TESK2: variants seen among roughly 807,000 people sequenced by gnomAD.
TESK2 encodes testis associated actin remodelling kinase 2, also known as dual specificity testis-specific protein kinase 2.
In TESK2, 39 loss-of-function variants were observed where a neutral mutation model predicts 57.1. The observed-to-expected ratio is 0.68, with a 90% CI of 0.53 to 0.89. The LOEUF is 0.89. Ranked by LOEUF, TESK2 falls within the 40% of genes least tolerant of loss-of-function variation. The pLI is 0.00. For missense variants in TESK2, 646 were observed against 732.1 expected (o/e 0.88, Z 1.36); for synonymous variants, 249 against 267.9 (o/e 0.93, Z 0.69).
chr1:45,402,032 T>A (rs1373898715), intron 3 of TESK2, among the ~76,000 whole-genome samples: 1 of 151,080 alleles, frequency 6.6e-6, no homozygotes, highest in East Asian at 1.9e-4. Flanking sequence ...GATACTTATG[T>A]TTTCTAAAAG....
At chr1:45,418,081 G>A (rs935026572) in intron 3 of TESK2, among the ~76,000 whole-genome samples, 1 of 152,208 alleles carries the variant, frequency 6.6e-6, no homozygotes, top group Admixed American at 6.5e-5. Context: ...TAGCAGGAAA[G>A]ATGCCAAAAT....
rs189457091 is a variant in TESK2, at chr1:45,347,016, C to T, written c.755G>A (p.Arg252His). Residue 252 changes from arginine to histidine, a missense_variant, in exon 8 of 11, where the codon CGC becomes CAC. Coordinates refer to ENST00000372086, the MANE Select transcript of TESK2 (RefSeq NM_007170.3). ...YGIILCEIIA[R>H]IQADPDYLPR... ...AAGATAGTCCGGATCGGCCTGGATG[C>T]GGGCGATGATCTCGCAGAGGATGAT... 1.5e-5 allele frequency: 25 copies of T among 1,614,180 alleles called. No homozygotes were observed. The highest frequency in any genetic ancestry group is 2.2e-5 in the East Asian group (1 of 44,892).
intron 3 of TESK2, among the ~76,000 whole-genome samples, chr1:45,395,545 C>T (rs182404166): frequency 1.3e-5 from 2 of 151,778 alleles, no homozygotes; most frequent in Non-Finnish European, 2.9e-5. Flanking sequence ...AGTTCAAATA[C>T]TTCCTTCTCA....
chr1:45,420,147 AAT>A (rs1227899098), intron 3 of TESK2, among the ~76,000 whole-genome samples: 2 of 152,100 alleles, frequency 1.3e-5, no homozygotes, highest in Non-Finnish European at 2.9e-5. Context: ...CTCATTTAAA[AAT>A]ATACTGGCCA....
intron 1 of TESK2, among the ~76,000 whole-genome samples, chr1:45,459,977 C>A (rs1292191096): frequency 1.3e-5 from 2 of 152,200 alleles, no homozygotes; most frequent in African/African-American, 2.4e-5. Flanking sequence ...AACCAAATAT[C>A]GCATGTTCTC....
At chr1:45,410,498 G>A (rs1361170656) in intron 3 of TESK2, among the ~76,000 whole-genome samples, 3 of 151,944 alleles carry the variant, frequency 2.0e-5, no homozygotes, top group Admixed American at 6.6e-5. Context: ...CCAGCTACTC[G>A]GGAGGCTGAG....
At chr1:45,427,234 CAAAAA>C (rs111269135) in intron 2 of TESK2, among the ~76,000 whole-genome samples, 1 of 129,504 alleles carries the variant, frequency 7.7e-6, no homozygotes, top group African/African-American at 3.3e-5. Context: ...GACTCTGTCT[CAAAAA>C]AAAAAAAAAA....
intron 3 of TESK2, among the ~76,000 whole-genome samples, chr1:45,395,458 T>G (rs1029407840): frequency 6.6e-6 from 1 of 152,202 alleles, no homozygotes; most frequent in African/African-American, 2.4e-5. Context: ...ACCACCATCA[T>G]GTATGCGGTC....
chr1:45,436,231 C>G (rs569666706), intron 2 of TESK2, among the ~76,000 whole-genome samples: 77 of 121,898 alleles, frequency 6.3e-4, no homozygotes, highest in Middle Eastern at 0.013. Flanking sequence ...GTCACCCAGG[C>G]TGGAGTGCAG....
intron 1 of TESK2, among the ~76,000 whole-genome samples, chr1:45,478,527 A>G (rs72686493): frequency 0.054 from 8,259 of 152,256 alleles, 322 homozygotes; most frequent in Non-Finnish European, 0.077. Flanking sequence ...AATAAATAGG[A>G]CATCGAGATT....
chr1:45,403,362 G>C lies in TESK2; in HGVS notation c.345-17402C>G, dbSNP rs75033831. Among the ~76,000 whole-genome samples, 1,301 of 152,254 alleles carry C rather than the reference G, an allele frequency of 8.5e-3. 20 individuals are homozygous for C. The highest frequency in any genetic ancestry group is 0.034 in the Middle Eastern group (10 of 294). On this transcript the variant is annotated intron_variant, in intron 3 of 10. Coordinates refer to ENST00000372086, the MANE Select transcript of TESK2 (RefSeq NM_007170.3). Reference sequence around the variant, plus strand: ...CGTAAAAAGGCAGTAATATCCTCGGGTAAGTGCAGTTCAAACATGTTTTAG... The same window carrying C: ...CGTAAAAAGGCAGTAATATCCTCGGCTAAGTGCAGTTCAAACATGTTTTAG...
chr1:45,409,853 A>G (rs146431456), intron 3 of TESK2, among the ~76,000 whole-genome samples: 52 of 152,328 alleles, frequency 3.4e-4, no homozygotes, highest in African/African-American at 1.1e-3. Flanking sequence ...CTCAATAATT[A>G]GTAATCATTG....
Position 45,345,936 on chromosome 1 carries a change from AG to A in TESK2, c.937del (p.Leu313Ter). 1 of 1,614,196 alleles carries A rather than the reference AG, an allele frequency of 6.2e-7. No homozygotes were observed. The highest frequency in any genetic ancestry group is 1.1e-5 in the South Asian group (1 of 91,090). ...CTGCTCTTCTTCCTGTAGGCGGCTCAGAATTTCCTCCAGGGTCTTCCCAATC... is the reference window on the plus strand; with the variant it reads ...CTGCTCTTCTTCCTGTAGGCGGCTCAAATTTCCTCCAGGGTCTTCCCAATC... ...VEIGKTLEEI[L>X]SRLQEEEQER... On this transcript the variant is annotated frameshift_variant, in exon 10 of 11. Coordinates refer to ENST00000372086, the MANE Select transcript of TESK2 (RefSeq NM_007170.3). LOFTEE classifies it high-confidence loss of function.
Position 45,458,966 on chromosome 1 carries a change from T to C in TESK2, c.-86-1095A>G, listed in dbSNP as rs865855135. 2.0e-5 allele frequency among the ~76,000 whole-genome samples: 3 copies of C among 152,212 alleles called. 1 individual carries two copies. In the South Asian group the frequency reaches 6.2e-4, roughly 31 times the overall value. On this transcript the variant is annotated intron_variant, in intron 1 of 10. Transcript: ENST00000372086. ...TACAACATTGTGACTCCTCAATTAG[T>C]GAAATGCTTTCATAAAGGAGGTGGA...
At chr1:45,473,887 G>A (rs921643013) in intron 1 of TESK2, among the ~76,000 whole-genome samples, 2 of 150,296 alleles carry the variant, frequency 1.3e-5, no homozygotes, top group African/African-American at 2.5e-5. Flanking sequence ...AGCCTCAAAC[G>A]CCTAGGCTCA....
chr1:45,483,148 G>T (rs1653302332), intron 1 of TESK2, among the ~76,000 whole-genome samples: 1 of 151,498 alleles, frequency 6.6e-6, no homozygotes, highest in African/African-American at 2.4e-5. Context: ...GGGCATGGTA[G>T]CGGGTACCTG....
intron 5 of TESK2, among the ~76,000 whole-genome samples, chr1:45,348,267 T>A (rs777728206): frequency 2.6e-5 from 4 of 152,216 alleles, no homozygotes; most frequent in Non-Finnish European, 4.4e-5. Flanking sequence ...GTGCTAGGCA[T>A]AATTTTAAGT....
chr1:45,395,551 T>A (rs1382796306), intron 3 of TESK2, among the ~76,000 whole-genome samples: 1 of 152,092 alleles, frequency 6.6e-6, no homozygotes, highest in Non-Finnish European at 1.5e-5. Flanking sequence ...AATACTTCCT[T>A]CTCATGTTCT....
At chr1:45,415,411 C>A (rs554562426) in intron 3 of TESK2, 4 of 744,032 alleles carry the variant, frequency 5.4e-6, no homozygotes, top group Admixed American at 4.2e-5. Flanking sequence ...GAGCACTCCT[C>A]CACCCCATTT....
Sources: allele counts gnomAD v4.1 joint callset (sites outside exome capture counted in the v4.1 genomes callset), GRCh38; gene constraint gnomAD v4.1.1; transcripts MANE v1.5; gene names NCBI Gene and HGNC (gene_info 2026-07-23, HGNC 2026-07-21).